Variants in GRM3 observed in about 807,000 individuals in gnomAD.
GRM3 encodes the protein glutamate metabotropic receptor 3.
GRM3 carries 26 observed loss-of-function variants against 70.5 expected under a neutral mutation model. The ratio of observed to expected loss-of-function variants is 0.37; its 90% CI spans 0.27 to 0.51. The LOEUF is 0.51. Among genes scored for constraint, GRM3 ranks in the 20% least tolerant of loss-of-function variants. GRM3 has a pLI of 0.93. For missense variants in GRM3, 859 were observed against 1,123.8 expected, an observed-to-expected ratio of 0.76 and a Z score of 3.37; for synonymous variants, 443 against 434.9, an observed-to-expected ratio of 1.02 and a Z score of -0.23.
At chr7:86,805,168 T>A (rs962259297) in intron 3 of GRM3, among the ~76,000 whole-genome samples, 2 of 152,214 alleles carry the variant, frequency 1.3e-5, no homozygotes, top group African/African-American at 2.4e-5. Flanking sequence ...CCACTCACAC[T>A]GAGATTTCCT....
In GRM3 at chr7:86,754,130, T is replaced by C. The variant is rs1243807335; in HGVS notation, c.-140-10876T>C. On this transcript the variant is annotated intron_variant, in intron 1 of 5. Transcript: ENST00000361669. ...ATTGTCTATCTGATGAGATCAGGAT[T>C]ATTCTAAGCCTGAAATCTCATAGTA... Among the ~76,000 whole-genome samples the C allele has an allele frequency of 3.9e-5, 6 of 152,162 alleles. No homozygotes were observed. In the South Asian group the frequency reaches 6.2e-4, roughly 16 times the overall value.
intron 1 of GRM3, among the ~76,000 whole-genome samples, chr7:86,738,518 T>A (rs1795914802): frequency 6.6e-6 from 1 of 152,220 alleles, no homozygotes; most frequent in African/African-American, 2.4e-5. Flanking sequence ...TTAATCTTCA[T>A]AAGTTTCCTG....
chr7:86,820,258 T>C (rs1798093521), intron 3 of GRM3, among the ~76,000 whole-genome samples: 1 of 152,142 alleles, frequency 6.6e-6, no homozygotes, highest in African/African-American at 2.4e-5. Context: ...TAGAAATAGC[T>C]GTGAGTGTGT....
At chr7:86,655,014 T>C (rs1793699332) in intron 1 of GRM3, among the ~76,000 whole-genome samples, 1 of 152,122 alleles carries the variant, frequency 6.6e-6, no homozygotes, top group Admixed American at 6.5e-5. Context: ...GAATAACTGG[T>C]TTTTCCAGGT....
intron 3 of GRM3, among the ~76,000 whole-genome samples, chr7:86,787,779 A>T (rs1797298900): frequency 6.6e-6 from 1 of 152,212 alleles, no homozygotes; most frequent in South Asian, 2.1e-4. Flanking sequence ...GACTAATGGA[A>T]TTCATTCTGA....
intron 1 of GRM3, among the ~76,000 whole-genome samples, chr7:86,750,880 T>C (rs996812165): frequency 2.0e-5 from 3 of 152,024 alleles, no homozygotes; most frequent in African/African-American, 7.2e-5. Context: ...AATGTATACC[T>C]AAAAGGTCAG....
intron 3 of GRM3, among the ~76,000 whole-genome samples, chr7:86,816,580 T>C (rs1201366008): frequency 6.6e-6 from 1 of 151,972 alleles, no homozygotes; most frequent in Non-Finnish European, 1.5e-5. Context: ...TTGCTTAGCA[T>C]AATTGCCTCC....
At chr7:86,747,389 T>G (rs1796127137) in intron 1 of GRM3, among the ~76,000 whole-genome samples, 8 of 152,116 alleles carry the variant, frequency 5.3e-5, no homozygotes, top group Admixed American at 5.2e-4. Context: ...ATACTTTACA[T>G]TTTAAGCCAT....
At chr7:86,723,216 T>C (rs889516065) in intron 1 of GRM3, among the ~76,000 whole-genome samples, 1 of 148,094 alleles carries the variant, frequency 6.8e-6, no homozygotes, top group Admixed American at 6.8e-5. Flanking sequence ...TCCTCTTGAG[T>C]TCTACATCCA....
intron 3 of GRM3, among the ~76,000 whole-genome samples, chr7:86,788,332 T>G (rs1797321861): frequency 6.6e-6 from 1 of 152,188 alleles, no homozygotes; most frequent in Admixed American, 6.5e-5. Flanking sequence ...TATTCCATAA[T>G]TCTTACCTGC....
At chr7:86,765,726 AATT>A in intron 2 of GRM3, 113 bp downstream of exon 2, 1 of 823,340 alleles carries the variant, frequency 1.2e-6, no homozygotes, top group South Asian at 2.1e-5. Context: ...TCAACAATGC[AATT>A]ATTAATTTTT....
intron 2 of GRM3, chr7:86,776,081 A>G (rs1344010686): frequency 2.0e-5 from 3 of 152,106 alleles, no homozygotes; most frequent in Admixed American, 6.6e-5. Flanking sequence ...TATAATCGAC[A>G]TCAGTCAAAG....
Position 86,671,286 on chromosome 7 carries a change from AGT to A in GRM3, c.-141+26417_-141+26418del, listed in dbSNP as rs544542663. Among the ~76,000 whole-genome samples, 99 of 152,278 alleles carry A rather than the reference AGT, an allele frequency of 6.5e-4. 1 individual carries two copies. The highest frequency in any genetic ancestry group is 2.3e-3 in the African/African-American group (96 of 41,562). The stretch of plus-strand genomic sequence containing the variant: ...CATTTTAATAGCACCTACTTACTTC[AGT>A]GTATGGTAATTATGTAATCTCCATG... On this transcript the variant is annotated intron_variant, in intron 1 of 5. Transcript: ENST00000361669.
intron 1 of GRM3, among the ~76,000 whole-genome samples, chr7:86,669,697 C>T (rs1404937303): frequency 2.0e-5 from 3 of 152,126 alleles, no homozygotes; most frequent in Non-Finnish European, 2.9e-5. Context: ...CATTCCAAGT[C>T]CTTCTCTTCT....
chr7:86,721,210 G>A (rs191261687), intron 1 of GRM3, among the ~76,000 whole-genome samples: 24 of 152,200 alleles, frequency 1.6e-4, no homozygotes, highest in African/African-American at 5.8e-4. Flanking sequence ...GAGCAGAAGA[G>A]TTCAAAAGGG....
At position 86,727,113 on chromosome 7, in the gene GRM3, C is replaced by A. The variant is rs114827058; in HGVS notation, c.-140-37893C>A. Among the ~76,000 whole-genome samples the A allele has an allele frequency of 6.1e-3, 924 of 152,202 alleles. 8 individuals are homozygous for A. Among genetic ancestry groups the A allele is most frequent in the African/African-American group, 0.021 (874 of 41,552 alleles). On this transcript the variant is annotated intron_variant, in intron 1 of 5. Coordinates refer to ENST00000361669, the MANE Select transcript of GRM3 (RefSeq NM_000840.3). ...AAAATGGGCAGGAGGAAGATAAATA[C>A]AAGATAACTATAACACAAGACAGAA...
In GRM3 at chr7:86,756,499, G is replaced by A. The variant is rs566592873; in HGVS notation, c.-140-8507G>A. 2.0e-5 allele frequency among the ~76,000 whole-genome samples: 3 copies of A among 152,214 alleles called. No individual in the cohort carries two copies. The East Asian group carries it at 5.8e-4, about 29-fold the overall frequency. ...GTTTAACTGGATAGAGAATTCTGTGGTGCTTGACCAGTTTTTCCCCAGAAC... is the reference window on the plus strand; with the variant it reads ...GTTTAACTGGATAGAGAATTCTGTGATGCTTGACCAGTTTTTCCCCAGAAC... On this transcript the variant is annotated intron_variant, in intron 1 of 5. Transcript: ENST00000361669.
intron 1 of GRM3, among the ~76,000 whole-genome samples, chr7:86,672,400 TTG>T (rs1378720808): frequency 1.3e-5 from 2 of 152,194 alleles, no homozygotes; most frequent in Admixed American, 6.5e-5. Flanking sequence ...TCAGGCACAG[TTG>T]TGACATTCCC....
intron 1 of GRM3, among the ~76,000 whole-genome samples, chr7:86,678,908 A>G (rs891783036): frequency 6.6e-6 from 1 of 152,074 alleles, no homozygotes; most frequent in Non-Finnish European, 1.5e-5. Flanking sequence ...GCTATGGTAC[A>G]TGGTTTTTAG....
Sources: allele counts gnomAD v4.1 joint callset (sites outside exome capture counted in the v4.1 genomes callset), GRCh38; gene constraint gnomAD v4.1.1; transcripts MANE v1.5; gene names NCBI Gene and HGNC (gene_info 2026-07-23, HGNC 2026-07-21).